The following GPR137C variants were observed in gnomAD, a reference collection of about 807,000 sequenced individuals.
GPR137C encodes the protein G protein-coupled receptor 137C.
Under a neutral mutation model 43.4 loss-of-function variants are expected in GPR137C, and 27 were observed. The observed-to-expected ratio is 0.62, with a 90% CI of 0.46 to 0.86. GPR137C has a LOEUF of 0.86. Among genes scored for constraint, GPR137C ranks in the 40% least tolerant of loss-of-function variants. GPR137C has a pLI of 0.00. For missense variants in GPR137C, 522 were observed against 534.6 expected (o/e 0.98, Z 0.23); for synonymous variants, 285 against 226.9 (o/e 1.26, Z -2.30).
intron 1 of GPR137C, among the ~76,000 whole-genome samples, chr14:52,576,826 A>G (rs1217466045): frequency 6.6e-6 from 1 of 152,210 alleles, no homozygotes; most frequent in Non-Finnish European, 1.5e-5. Context: ...AAAAATGGAA[A>G]TCATACTAAG....
At chr14:52,572,893 G>C (rs756440638) in intron 1 of GPR137C, among the ~76,000 whole-genome samples, 2 of 152,140 alleles carry the variant, frequency 1.3e-5, no homozygotes, top group African/African-American at 2.4e-5. Flanking sequence ...AGCAACTTCA[G>C]CAAAGTCTCA....
intron 1 of GPR137C, among the ~76,000 whole-genome samples, chr14:52,578,630 T>C (rs1263079541): frequency 1.3e-5 from 2 of 152,146 alleles, no homozygotes; most frequent in African/African-American, 4.8e-5. Context: ...TATCCTTGGC[T>C]CTCTGCTAAT....
At chr14:52,556,851 A>G (rs1420919691) in intron 1 of GPR137C, among the ~76,000 whole-genome samples, 2 of 152,122 alleles carry the variant, frequency 1.3e-5, no homozygotes, top group African/African-American at 4.8e-5. Context: ...GCCAAAATCA[A>G]TGAGTTCATC....
intron 3 of GPR137C, among the ~76,000 whole-genome samples, chr14:52,621,055 T>C (rs1250695614): frequency 1.3e-5 from 2 of 151,890 alleles, no homozygotes; most frequent in African/African-American, 4.8e-5. Context: ...AATTTATGTC[T>C]TTCAAGCTTA....
chr14:52,558,422 C>T (rs927738978), intron 1 of GPR137C, among the ~76,000 whole-genome samples: 11 of 152,162 alleles, frequency 7.2e-5, no homozygotes, highest in Non-Finnish European at 8.8e-5. Context: ...AAAATAAGCT[C>T]ATTCTTGCAC....
chr14:52,567,132 T>C (rs922804881), intron 1 of GPR137C, among the ~76,000 whole-genome samples: 5 of 151,930 alleles, frequency 3.3e-5, no homozygotes, highest in African/African-American at 1.2e-4. Flanking sequence ...AAAAGAACTC[T>C]GGATATGGAG....
At chr14:52,613,393 C>T (rs2039061352) in intron 3 of GPR137C, 1 of 152,192 alleles carries the variant, frequency 6.6e-6, no homozygotes, top group Non-Finnish European at 1.5e-5. Flanking sequence ...TTAGAATACA[C>T]AATTAAATTA....
intron 1 of GPR137C, among the ~76,000 whole-genome samples, chr14:52,565,816 A>G (rs143406961): frequency 1.6e-3 from 249 of 152,332 alleles, no homozygotes; most frequent in African/African-American, 5.6e-3. Flanking sequence ...TTAAGATAGT[A>G]CATCATGAAT....
intron 1 of GPR137C, among the ~76,000 whole-genome samples, chr14:52,573,161 A>G (rs1485566988): frequency 6.6e-6 from 1 of 152,214 alleles, no homozygotes; most frequent in Admixed American, 6.5e-5. Context: ...AGCAATATCT[A>G]GATTAAGTGC....
rs189695249 is a variant in GPR137C at position 52,635,733 on chromosome 14, G to A, written c.*618G>A. 1.7e-3 allele frequency: 263 copies of A among 152,200 alleles called. 1 individual carries two copies. Among genetic ancestry groups the A allele is most frequent in the African/African-American group, 5.9e-3 (246 of 41,552 alleles). The allele number at this position is 152,200 out of a possible 1,614,324, so 9.4% of individuals were successfully genotyped here. A position where few individuals can be genotyped will look rare whatever the true frequency, so the allele number is the denominator to read the frequency against. On this transcript the variant is annotated 3_prime_UTR_variant, in exon 7 of 7. Coordinates refer to ENST00000321662, the MANE Select transcript of GPR137C (RefSeq NM_001099652.2). ...TAATCCATTAGTTATGGCCAGCAGT[G>A]TTCTTTGGAGAGCCACAATAATTTC... is the stretch of plus-strand genomic sequence containing the variant.
intron 1 of GPR137C, among the ~76,000 whole-genome samples, chr14:52,555,308 G>T (rs1481294324): frequency 6.6e-6 from 1 of 151,832 alleles, no homozygotes; most frequent in Non-Finnish European, 1.5e-5. Context: ...TACTTCTTGA[G>T]GTATAACATA....
At chr14:52,614,321 A>G (rs1252814629) in intron 3 of GPR137C, among the ~76,000 whole-genome samples, 1 of 151,864 alleles carries the variant, frequency 6.6e-6, no homozygotes, top group East Asian at 1.9e-4. Flanking sequence ...GGGTTTCACC[A>G]TGTCGCCCAG....
chr14:52,629,698 G>A (rs1171722312), intron 3 of GPR137C, among the ~76,000 whole-genome samples: 1 of 152,166 alleles, frequency 6.6e-6, no homozygotes, highest in African/African-American at 2.4e-5. Flanking sequence ...TTGATGGAAG[G>A]GGTGTGAGGG....
At chr14:52,584,449 T>C (rs948841855) in intron 1 of GPR137C, among the ~76,000 whole-genome samples, 8 of 152,312 alleles carry the variant, frequency 5.3e-5, no homozygotes, top group African/African-American at 1.9e-4. Context: ...GCTGGATAGA[T>C]GTCCTCACAG....
chr14:52,571,549 C>T (rs1292676575), intron 1 of GPR137C, among the ~76,000 whole-genome samples: 1 of 152,138 alleles, frequency 6.6e-6, no homozygotes, highest in Non-Finnish European at 1.5e-5. Flanking sequence ...TGGCAGGCAT[C>T]TGTAATCCTG....
chr14:52,615,100 G>A (rs1329198465), intron 3 of GPR137C, among the ~76,000 whole-genome samples: 1 of 152,206 alleles, frequency 6.6e-6, no homozygotes, highest in African/African-American at 2.4e-5. Flanking sequence ...TTAGATTTAA[G>A]TGTTTAATTC....
chr14:52,568,752 T>A (rs1270507338), intron 1 of GPR137C, among the ~76,000 whole-genome samples: 1 of 152,172 alleles, frequency 6.6e-6, no homozygotes, highest in Non-Finnish European at 1.5e-5. Context: ...AGATTTCTCC[T>A]CTCTGAGCAG....
chr14:52,598,143 T>C, intron 1 of GPR137C, 129 bp from the exon 2 acceptor site: 1 of 440,196 alleles, frequency 2.3e-6, no homozygotes, highest in Non-Finnish European at 4.2e-6. Flanking sequence ...GTAGCTCAAC[T>C]GTTAACATTT....
chr14:52,576,302 T>C (rs527245411), intron 1 of GPR137C, among the ~76,000 whole-genome samples: 2 of 152,350 alleles, frequency 1.3e-5, no homozygotes, highest in South Asian at 4.1e-4. Context: ...TGATAGAATT[T>C]CATACTCGTT....
Sources: allele counts gnomAD v4.1 joint callset (sites outside exome capture counted in the v4.1 genomes callset), GRCh38; gene constraint gnomAD v4.1.1; transcripts MANE v1.5; gene names NCBI Gene and HGNC (gene_info 2026-07-23, HGNC 2026-07-21).